SATB1: variants seen among roughly 807,000 people sequenced by gnomAD.
SATB1 encodes DNA-binding protein SATB1.
SATB1 carries 11 observed loss-of-function variants against 86.9 expected under a neutral mutation model. The observed-to-expected ratio is 0.13, with a 90% confidence interval of 0.08 to 0.21. SATB1 has a LOEUF of 0.21. Ranked by LOEUF, SATB1 falls within the 10% of genes least tolerant of loss-of-function variation. The probability of loss-of-function intolerance (pLI) is 1.00; values close to 1 mark genes in which losing one functional copy is unlikely to be tolerated. For synonymous variants in SATB1, 357 were observed against 357.2 expected, an observed-to-expected ratio of 1.00 and a Z score of 0.01; for missense variants, 551 against 937.6, an observed-to-expected ratio of 0.59 and a Z score of 5.39.
At position 18,396,327 on chromosome 3, in the gene SATB1, T is replaced by C. The variant is rs540165303; in HGVS notation, c.751+852A>G. Among the ~76,000 whole-genome samples the C allele has an allele frequency of 9.9e-5, 15 of 152,038 alleles. No homozygotes were observed. In the East Asian group the frequency reaches 2.7e-3, roughly 27 times the overall value. On this transcript the variant is annotated intron_variant, in intron 6 of 10. Transcript: ENST00000338745. Reference sequence around the variant, plus strand: ...ATGAATGTAAAGAAATAAATAGAAATAGATTTAAAACAGGACATAATGCCC... The same window carrying C: ...ATGAATGTAAAGAAATAAATAGAAACAGATTTAAAACAGGACATAATGCCC...
chr3:18,381,663 G>A (rs757249944), intron 8 of SATB1, among the ~76,000 whole-genome samples: 2 of 151,954 alleles, frequency 1.3e-5, no homozygotes, highest in African/African-American at 2.4e-5. Context: ...TTGTTTTTTG[G>A]TGGCCCTTTG....
At position 18,424,323 on chromosome 3, in the gene SATB1, A is replaced by ACCCCCCCCCCCC. The variant is rs138686151; in HGVS notation, c.-722_-721insGGGGGGGGGGGG. ...CCTCGCCTCCCTTCCAATCACCCCC[A>ACCCCCCCCCCCC]CCCCCCTCGCCAACAATCGCGACTA... On this transcript the variant is annotated 5_prime_UTR_variant, in exon 1 of 11. Coordinates refer to ENST00000338745, the MANE Select transcript of SATB1 (RefSeq NM_002971.6). 1 of 147,506 alleles carries ACCCCCCCCCCCC rather than the reference A, an allele frequency of 6.8e-6. No homozygotes were observed. Among genetic ancestry groups the ACCCCCCCCCCCC allele is most frequent in the African/African-American group, 2.5e-5 (1 of 39,560 alleles). 9.1% of individuals were successfully genotyped at this position (147,506 alleles called of 1,614,324 possible).
At chr3:18,363,268 G>A (rs1485296204) in intron 9 of SATB1, among the ~76,000 whole-genome samples, 1 of 152,130 alleles carries the variant, frequency 6.6e-6, no homozygotes, top group African/African-American at 2.4e-5. Flanking sequence ...CTATGATTTT[G>A]CTGATAAAGT....
At chr3:18,445,243 G>C (rs1242195595) in intron 1 of SATB1, 42 of 981,670 alleles carry the variant, frequency 4.3e-5, no homozygotes, top group Admixed American at 6.3e-5. Context: ...CTCGGCGGCC[G>C]CTGGCGACAC....
chr3:18,433,594 T>C (rs1226509776), intron 2 of SATB1, among the ~76,000 whole-genome samples: 1 of 152,166 alleles, frequency 6.6e-6, no homozygotes, highest in Non-Finnish European at 1.5e-5. Flanking sequence ...TGGAAATTCA[T>C]GTATAAATCA....
intron 9 of SATB1, among the ~76,000 whole-genome samples, chr3:18,367,219 T>C (rs1310322980): frequency 4.6e-5 from 7 of 152,140 alleles, no homozygotes; most frequent in African/African-American, 1.4e-4. Flanking sequence ...ATCGGTGAGT[T>C]TGCAAATTAG....
intron 5 of SATB1, among the ~76,000 whole-genome samples, chr3:18,412,183 G>A (rs992012074): frequency 6.6e-6 from 1 of 152,042 alleles, no homozygotes; most frequent in Non-Finnish European, 1.5e-5. Flanking sequence ...TCATTGCACC[G>A]TGACTTTAAT....
chr3:18,360,749 A>G (rs564413781), intron 9 of SATB1, among the ~76,000 whole-genome samples: 2 of 152,252 alleles, frequency 1.3e-5, no homozygotes, highest in African/African-American at 2.4e-5. Flanking sequence ...ATTCAGCCCA[A>G]TGCCTGCTCC....
At chr3:18,435,173 G>T (rs1455680627) in intron 2 of SATB1, 1 of 152,110 alleles carries the variant, frequency 6.6e-6, no homozygotes, top group African/African-American at 2.4e-5. Context: ...AACCTATTCT[G>T]TTATTGTTAT....
At chr3:18,351,748 G>GTGTAAAAAAGGGGTTCCTGT in intron 10 of SATB1, 2 of 543,576 alleles carry the variant, frequency 3.7e-6, no homozygotes, top group South Asian at 4.8e-5. Flanking sequence ...TGCCAAACGA[G>GTGTAAAAAAGGGGTTCCTGT]TGTAAAAAAG....
At chr3:18,425,792 G>T (rs1157046609), upstream of SATB1, among the ~76,000 whole-genome samples, 2 of 149,762 alleles carry the variant, frequency 1.3e-5, no homozygotes, top group African/African-American at 4.9e-5. Context: ...GCGCGCGGGC[G>T]GCAGGGGCAG....
upstream of SATB1, among the ~76,000 whole-genome samples, chr3:18,442,174 C>G (rs1449761071): frequency 6.6e-6 from 1 of 152,030 alleles, no homozygotes; most frequent in African/African-American, 2.4e-5. Context: ...ATCTTCCCCC[C>G]GCCCCCCATC....
intron 5 of SATB1, among the ~76,000 whole-genome samples, chr3:18,407,992 T>C (rs889733825): frequency 1.3e-5 from 2 of 152,030 alleles, no homozygotes; most frequent in African/African-American, 2.4e-5. Context: ...TATCCAGTAA[T>C]GAAGTACCAT....
upstream of SATB1, among the ~76,000 whole-genome samples, chr3:18,443,651 G>A (rs1699298054): frequency 6.6e-6 from 1 of 152,146 alleles, no homozygotes; most frequent in South Asian, 2.1e-4. This position sits in a 1 kb window ranked among gnomAD's most constrained non-coding sequence, Gnocchi z 4.4. Flanking sequence ...GGCACTCCCC[G>A]GACCTGCCAC....
chr3:18,359,664 G>GT (rs980246028), intron 9 of SATB1, among the ~76,000 whole-genome samples: 81 of 151,074 alleles, frequency 5.4e-4, no homozygotes, highest in African/African-American at 1.9e-3. Flanking sequence ...AAATGTTCCC[G>GT]TTTTTTTTCT....
intron 9 of SATB1, among the ~76,000 whole-genome samples, chr3:18,376,815 C>T (rs1225717409): frequency 6.6e-6 from 1 of 152,134 alleles, no homozygotes; most frequent in Non-Finnish European, 1.5e-5. Context: ...ATGTATGACA[C>T]GCTGAGTACA....
chr3:18,365,008 T>C (rs1298763589), intron 9 of SATB1, among the ~76,000 whole-genome samples: 1 of 152,080 alleles, frequency 6.6e-6, no homozygotes, highest in Non-Finnish European at 1.5e-5. Flanking sequence ...AAGGGGTTGA[T>C]GAGAAGGTCC....
At chr3:18,399,915 T>TGTGGGC (rs1697165185) in intron 5 of SATB1, among the ~76,000 whole-genome samples, 1 of 151,998 alleles carries the variant, frequency 6.6e-6, no homozygotes, top group African/African-American at 2.4e-5. Flanking sequence ...GGTGTATGTG[T>TGTGGGC]GTGGGCGTGG....
intron 5 of SATB1, among the ~76,000 whole-genome samples, chr3:18,403,007 G>A (rs1351143758): frequency 1.3e-5 from 2 of 151,944 alleles, no homozygotes; most frequent in African/African-American, 4.8e-5. Flanking sequence ...GAACAGTCCT[G>A]ACATCTCATA....
Sources: allele counts gnomAD v4.1 joint callset (sites outside exome capture counted in the v4.1 genomes callset), GRCh38; gene constraint gnomAD v4.1.1; non-coding constraint Gnocchi (gnomAD v3.1); transcripts MANE v1.5; gene names NCBI Gene and HGNC (gene_info 2026-07-23, HGNC 2026-07-21).